The following KCNU1 variants were observed in gnomAD, a reference collection of about 807,000 sequenced individuals.
KCNU1 encodes potassium channel subfamily U member 1.
KCNU1 carries 93 observed loss-of-function variants against 126.8 expected under a neutral mutation model. The observed-to-expected ratio is 0.73, with a 90% confidence interval of 0.62 to 0.87. KCNU1 has a LOEUF of 0.87. Among genes scored for constraint, KCNU1 ranks in the 40% least tolerant of loss-of-function variants. KCNU1 has a pLI of 0.00. For missense variants in KCNU1, 1,330 were observed against 1,367.1 expected (o/e 0.97, Z 0.43); for synonymous variants, 523 against 494.2 (o/e 1.06, Z -0.77).
chr8:36,881,943 C>T (rs1187084305), intron 19 of KCNU1, among the ~76,000 whole-genome samples: 1 of 152,012 alleles, frequency 6.6e-6, no homozygotes, highest in Non-Finnish European at 1.5e-5. Context: ...TCTGCATCTT[C>T]ACAAGTTTAT....
intron 10 of KCNU1, among the ~76,000 whole-genome samples, chr8:36,826,330 C>A (rs1211869774): frequency 6.6e-6 from 1 of 152,024 alleles, no homozygotes; most frequent in African/African-American, 2.4e-5. Flanking sequence ...CTGCCTCAGC[C>A]TCCCAAGTAG....
At chr8:36,808,840 T>C (rs766085443) in intron 7 of KCNU1, 47 bp downstream of exon 7, 1 of 1,432,582 alleles carries the variant, frequency 7.0e-7, no homozygotes, top group South Asian at 1.2e-5. Context: ...GTTACCAGCA[T>C]CCATTTTTTG....
At chr8:36,838,918 G>A (rs1006648884) in intron 14 of KCNU1, among the ~76,000 whole-genome samples, 1 of 152,068 alleles carries the variant, frequency 6.6e-6, no homozygotes, top group Non-Finnish European at 1.5e-5. Context: ...TTATTCTTTG[G>A]TGCTTTCAAT....
intron 3 of KCNU1, 35 bp from the exon 4 acceptor site, chr8:36,805,160 T>A: frequency 6.7e-7 from 1 of 1,495,848 alleles, no homozygotes; most frequent in Non-Finnish European, 9.2e-7. Flanking sequence ...TTTAAAAATG[T>A]TGATCTTCAC....
intron 26 of KCNU1, among the ~76,000 whole-genome samples, chr8:36,934,556 C>T (rs769830814): frequency 6.6e-6 from 1 of 152,090 alleles, no homozygotes; most frequent in Non-Finnish European, 1.5e-5. Context: ...AATACTTGAT[C>T]TCAGGGGAAA....
At chr8:36,868,320 C>T (rs1585484995) in intron 19 of KCNU1, among the ~76,000 whole-genome samples, 1 of 151,976 alleles carries the variant, frequency 6.6e-6, no homozygotes, top group Non-Finnish European at 1.5e-5. Flanking sequence ...TTTGCCATAA[C>T]AACAATGAGT....
chr8:36,830,330 A>G (rs1010844757), intron 10 of KCNU1, among the ~76,000 whole-genome samples: 11 of 152,044 alleles, frequency 7.2e-5, no homozygotes, highest in African/African-American at 2.4e-4. Flanking sequence ...CATTAAAGAT[A>G]TCTTTTTTAT....
intron 19 of KCNU1, among the ~76,000 whole-genome samples, chr8:36,895,349 G>A (rs966461630): frequency 6.6e-6 from 1 of 152,042 alleles, no homozygotes; most frequent in Non-Finnish European, 1.5e-5. Context: ...AAAGTGCTGG[G>A]ATTGCAAGCA....
At chr8:36,861,045 A>G (rs187047842) in intron 18 of KCNU1, among the ~76,000 whole-genome samples, 201 of 152,252 alleles carry the variant, frequency 1.3e-3, no homozygotes, top group African/African-American at 4.6e-3. Context: ...TGAATCTACC[A>G]GCTCATCTTC....
chr8:36,796,233 T>C (rs1803093613), intron 2 of KCNU1, among the ~76,000 whole-genome samples: 1 of 152,204 alleles, frequency 6.6e-6, no homozygotes, highest in Non-Finnish European at 1.5e-5. Context: ...TTTTCTACTT[T>C]GGTAGAAATT....
chr8:36,890,883 C>T (rs1585519962), intron 19 of KCNU1, among the ~76,000 whole-genome samples: 1 of 150,670 alleles, frequency 6.6e-6, no homozygotes, highest in Non-Finnish European at 1.5e-5. Flanking sequence ...TACAGTTCTC[C>T]TTTAATTACT....
chr8:36,895,227 G>C (rs1396127309), intron 19 of KCNU1, among the ~76,000 whole-genome samples: 1 of 151,698 alleles, frequency 6.6e-6, no homozygotes. Flanking sequence ...TACAGGCACT[G>C]ACCACCACGC....
intron 18 of KCNU1, among the ~76,000 whole-genome samples, chr8:36,846,630 C>T (rs530423136): frequency 1.2e-4 from 19 of 152,080 alleles, no homozygotes; most frequent in Admixed American, 6.6e-4. Flanking sequence ...GGTGAAACCT[C>T]GTCTCTACTA....
chr8:36,899,309 G>A (rs1807323894), intron 19 of KCNU1, among the ~76,000 whole-genome samples: 1 of 151,938 alleles, frequency 6.6e-6, no homozygotes, highest in East Asian at 1.9e-4. Context: ...TGCCTTCGTG[G>A]AGATTTTAGA....
chr8:36,920,323 A>T (rs551440186), intron 23 of KCNU1, among the ~76,000 whole-genome samples: 10 of 152,198 alleles, frequency 6.6e-5, no homozygotes, highest in South Asian at 4.2e-4. Flanking sequence ...CAATTAGTTG[A>T]ATTCTTGAAT....
In KCNU1 at chr8:36,872,433, C is replaced by T. The variant is rs539552843; in HGVS notation, c.2009+7912C>T. ...GAGATAAAGGGGGACGCCGCCCCGC[C>T]CTGTAACTATGGTGGGGGCTCCAGC... On this transcript the variant is annotated intron_variant, in intron 19 of 26. Coordinates refer to ENST00000399881, the MANE Select transcript of KCNU1 (RefSeq NM_001031836.3). Among the ~76,000 whole-genome samples the T allele has an allele frequency of 2.1e-4, 32 of 152,238 alleles. No individual in the cohort carries two copies. In the East Asian group the frequency reaches 6.2e-3, roughly 29 times the overall value.
chr8:36,859,964 C>CA (rs1805669386), intron 18 of KCNU1, among the ~76,000 whole-genome samples: 1 of 152,184 alleles, frequency 6.6e-6, no homozygotes, highest in South Asian at 2.1e-4. Context: ...TTATGCCACC[C>CA]ATGGGAGCAC....
intron 19 of KCNU1, chr8:36,889,148 G>A (rs1296176832): frequency 1.9e-6 from 1 of 534,114 alleles, no homozygotes; most frequent in Non-Finnish European, 3.8e-6. Context: ...CAAAGTGCTT[G>A]GATTACAGGT....
At chr8:36,921,288 G>T (rs1808334730) in intron 23 of KCNU1, among the ~76,000 whole-genome samples, 1 of 152,128 alleles carries the variant, frequency 6.6e-6, no homozygotes, top group Non-Finnish European at 1.5e-5. Flanking sequence ...TTGCTCTTTA[G>T]GATAGGAACC....
Sources: gnomAD v4.1 joint callset for allele counts (sites outside exome capture counted in the v4.1 genomes callset) on GRCh38, gnomAD v4.1.1 for gene constraint, MANE v1.5 for transcripts, NCBI Gene and HGNC (gene_info 2026-07-23, HGNC 2026-07-21) for gene names.